CTNNA2: variants seen among roughly 807,000 people sequenced by gnomAD.
The protein encoded by CTNNA2 is catenin alpha-2.
In CTNNA2, 42 loss-of-function variants were observed where a neutral mutation model predicts 101.0. The observed-to-expected ratio is 0.42, with a 90% CI of 0.32 to 0.54. The LOEUF (loss-of-function observed/expected upper bound fraction) is 0.54, where lower values mean the gene tolerates loss of function less well. Among genes scored for constraint, CTNNA2 ranks in the 20% least tolerant of loss-of-function variants. The pLI, the probability that CTNNA2 is intolerant of heterozygous loss-of-function variation, is 0.14. For missense variants in CTNNA2, 871 were observed against 1,223.1 expected (o/e 0.71, Z 4.29); for synonymous variants, 450 against 456.4 (o/e 0.99, Z 0.18).
chr2:80,634,659 G>A (rs1239107799), intron 18 of CTNNA2, among the ~76,000 whole-genome samples: 2 of 152,158 alleles, frequency 1.3e-5, no homozygotes, highest in East Asian at 3.9e-4. Context: ...GTAAAGGGTG[G>A]GAAGCAAGGA....
At chr2:79,531,125 T>C (rs2103932233) in intron 1 of CTNNA2, among the ~76,000 whole-genome samples, 1 of 149,794 alleles carries the variant, frequency 6.7e-6, no homozygotes, top group South Asian at 2.1e-4. Flanking sequence ...AGGGAAGTTA[T>C]GATTTAAAGA....
chr2:80,360,138 G>A (rs977324736), intron 7 of CTNNA2, among the ~76,000 whole-genome samples: 1 of 151,930 alleles, frequency 6.6e-6, no homozygotes, highest in Admixed American at 6.6e-5. Context: ...TTATTGTTTT[G>A]AAGGGATTGG....
intron 7 of CTNNA2, among the ~76,000 whole-genome samples, chr2:80,157,386 C>G (rs1001009391): frequency 6.6e-5 from 10 of 152,042 alleles, no homozygotes; most frequent in African/African-American, 2.2e-4. Flanking sequence ...CCTACGGGAC[C>G]CTGAACTTCA....
At chr2:79,336,847 A>C (rs1380413391) in intron 3 of CTNNA2, among the ~76,000 whole-genome samples, 1 of 152,156 alleles carries the variant, frequency 6.6e-6, no homozygotes, top group African/African-American at 2.4e-5. Flanking sequence ...GCGTGGTGGC[A>C]TGGTGGTGTT....
chr2:79,720,017 T>C (rs1238645526), intron 2 of CTNNA2, among the ~76,000 whole-genome samples: 1 of 152,194 alleles, frequency 6.6e-6, no homozygotes, highest in African/African-American at 2.4e-5. Context: ...AGAATTTTTA[T>C]AGTTTGTGAT....
chr2:80,170,227 C>G (rs1396709906), intron 7 of CTNNA2, among the ~76,000 whole-genome samples: 2 of 149,500 alleles, frequency 1.3e-5, no homozygotes, highest in African/African-American at 2.6e-5. Flanking sequence ...CTCTCTCTCT[C>G]TCTCTGTGTG....
chr2:79,358,358 C>G (rs1159265742), intron 3 of CTNNA2, among the ~76,000 whole-genome samples: 2 of 152,090 alleles, frequency 1.3e-5, no homozygotes, highest in African/African-American at 4.8e-5. Flanking sequence ...AGCCACCACA[C>G]CTGGCTAATT....
Position 79,523,465 on chromosome 2 carries a change from G to T in CTNNA2, c.-6+10258G>T, listed in dbSNP as rs10206130. 0.66 allele frequency among the ~76,000 whole-genome samples: 99,887 copies of T among 151,994 alleles called. 32,906 individuals are homozygous for T. The highest frequency in any genetic ancestry group is 0.67 in the Non-Finnish European group (45,858 of 67,964). On this transcript the variant is annotated intron_variant, in intron 1 of 18. Transcript: ENST00000402739. ...TTTTTTTAACTCTTGCCTATTACTT[G>T]ATAGTGTGGTTGTACCATGGTTTAT...
At chr2:80,562,994 G>A (rs1322279995) in intron 12 of CTNNA2, among the ~76,000 whole-genome samples, 1 of 149,168 alleles carries the variant, frequency 6.7e-6, no homozygotes, top group African/African-American at 2.5e-5. Context: ...TAAATTTGGG[G>A]TGACACAGCA....
At chr2:80,420,488 C>T (rs1242567231) in intron 9 of CTNNA2, among the ~76,000 whole-genome samples, 2 of 152,098 alleles carry the variant, frequency 1.3e-5, no homozygotes, top group Non-Finnish European at 2.9e-5. Context: ...GTGATGCATT[C>T]CCACTTTAAT....
intron 7 of CTNNA2, among the ~76,000 whole-genome samples, chr2:80,112,133 A>G (rs1424904685): frequency 1.3e-5 from 2 of 152,192 alleles, no homozygotes; most frequent in African/African-American, 4.8e-5. Context: ...TTAAAGTAAG[A>G]CAGGGCGATG....
At chr2:80,461,294 C>G (rs914937823) in intron 9 of CTNNA2, among the ~76,000 whole-genome samples, 1 of 152,150 alleles carries the variant, frequency 6.6e-6, no homozygotes, top group Non-Finnish European at 1.5e-5. Context: ...ATCACCCTGG[C>G]CCGTTGTTTA....
At chr2:79,408,758 A>C (rs1434010788) in intron 4 of CTNNA2, among the ~76,000 whole-genome samples, 1 of 152,062 alleles carries the variant, frequency 6.6e-6, no homozygotes, top group Non-Finnish European at 1.5e-5. Flanking sequence ...CGCAATAAAC[A>C]TATGTGTGCA....
In CTNNA2 at chr2:79,911,233, C is replaced by CTGTT. The variant is rs1685773999; in HGVS notation, c.1056+1445_1056+1448dup. Among the ~76,000 whole-genome samples, 4 of 152,280 alleles carry CTGTT rather than the reference C, an allele frequency of 2.6e-5. No individual in the cohort carries two copies. In the South Asian group the frequency reaches 8.3e-4, roughly 32 times the overall value. ...AAGAATGCTTATGAAATCTGAGACG[C>CTGTT]TGTTTGTTTGTTCGTTGTTGTTGTT... is the stretch of plus-strand genomic sequence containing the variant. On this transcript the variant is annotated intron_variant, in intron 7 of 18. Coordinates refer to ENST00000402739, the MANE Select transcript of CTNNA2 (RefSeq NM_001282597.3).
chr2:79,721,130 T>A (rs943633931), intron 2 of CTNNA2, among the ~76,000 whole-genome samples: 1 of 152,046 alleles, frequency 6.6e-6, no homozygotes, highest in African/African-American at 2.4e-5. Flanking sequence ...GTTCATGTAG[T>A]TTGCAGTTTG....
Position 79,869,711 on chromosome 2 carries a change from A to G in CTNNA2, c.466-105A>G, listed in dbSNP as rs952554401. 122 of 1,410,294 alleles carry G rather than the reference A, an allele frequency of 8.7e-5. 2 individuals are homozygous for G. The South Asian group carries it at 1.6e-3, about 18-fold the overall frequency. 87.4% of individuals were successfully genotyped at this position (1,410,294 alleles called of 1,614,324 possible). A position where few individuals can be genotyped will look rare whatever the true frequency, so the allele number is the denominator to read the frequency against. ...CCTATTTTTTCATTTACATGTTAACACATACTAGTGTTTTAGAGTTTTTGG... is the reference window on the plus strand; with the variant it reads ...CCTATTTTTTCATTTACATGTTAACGCATACTAGTGTTTTAGAGTTTTTGG... On this transcript the variant is annotated intron_variant, in intron 4 of 18. Transcript: ENST00000402739.
intron 15 of CTNNA2, among the ~76,000 whole-genome samples, chr2:80,602,447 A>C (rs1697635598): frequency 6.6e-6 from 1 of 152,078 alleles, no homozygotes; most frequent in African/African-American, 2.4e-5. Context: ...AATTGTTAGC[A>C]ATGCAGAATC....
At chr2:80,517,571 A>T (rs1251016735) in intron 9 of CTNNA2, among the ~76,000 whole-genome samples, 1 of 152,160 alleles carries the variant, frequency 6.6e-6, no homozygotes, top group East Asian at 1.9e-4. Flanking sequence ...GCGTCTATTA[A>T]TCTTGTGTAA....
At chr2:79,780,205 T>C (rs112903138) in intron 3 of CTNNA2, among the ~76,000 whole-genome samples, 3,534 of 152,292 alleles carry the variant, frequency 0.023, 143 homozygotes, top group African/African-American at 0.079. Context: ...CTTACGTGTA[T>C]TAATTGATGC....
Sources: gnomAD v4.1 joint callset for allele counts (sites outside exome capture counted in the v4.1 genomes callset) on GRCh38, gnomAD v4.1.1 for gene constraint, MANE v1.5 for transcripts, NCBI Gene and HGNC (gene_info 2026-07-23, HGNC 2026-07-21) for gene names.